ZNF420: variants seen among roughly 807,000 people sequenced by gnomAD.
ZNF420 encodes ATM and p53-associated KZNF protein.
ZNF420 carries 31 observed loss-of-function variants against 44.7 expected under a neutral mutation model. The observed-to-expected ratio is 0.69, with a 90% confidence interval of 0.52 to 0.94. The LOEUF (loss-of-function observed/expected upper bound fraction) is 0.94, where lower values mean the gene tolerates loss of function less well. Among genes scored for constraint, ZNF420 ranks in the 40% least tolerant of loss-of-function variants. The pLI is 0.00. For synonymous variants in ZNF420, 245 were observed against 267.4 expected (o/e 0.92, Z 0.82); for missense variants, 681 against 827.9 (o/e 0.82, Z 2.18).
intron 4 of ZNF420, among the ~76,000 whole-genome samples, chr19:37,121,322 A>G (rs1428607971): frequency 1.1e-4 from 16 of 145,816 alleles, no homozygotes; most frequent in South Asian, 2.2e-4. Context: ...ATAATGCCGC[A>G]TATCTACAAC....
intron 4 of ZNF420, among the ~76,000 whole-genome samples, chr19:37,126,472 A>G (rs1209010239): frequency 6.6e-6 from 1 of 152,198 alleles, no homozygotes; most frequent in African/African-American, 2.4e-5. Flanking sequence ...GTCATTGAAG[A>G]GTTTGGATTT....
intron 1 of ZNF420, among the ~76,000 whole-genome samples, chr19:37,018,448 A>G (rs1340479123): frequency 6.6e-6 from 1 of 152,246 alleles, no homozygotes. Context: ...CAATGCATAT[A>G]TAGCCAGATG....
intron 1 of ZNF420, among the ~76,000 whole-genome samples, chr19:37,068,767 TGAA>T (rs1462890806): frequency 2.0e-5 from 3 of 152,038 alleles, no homozygotes; most frequent in African/African-American, 7.2e-5. Context: ...AGACTGAAAA[TGAA>T]GAACAGAAAA....
At chr19:37,101,563 G>A (rs1308283521) in intron 4 of ZNF420, among the ~76,000 whole-genome samples, 2 of 152,206 alleles carry the variant, frequency 1.3e-5, no homozygotes, top group Non-Finnish European at 2.9e-5. Flanking sequence ...TCTTCCAAAG[G>A]CCTTCCAGAC....
At chr19:37,024,560 C>T (rs751480159) in intron 1 of ZNF420, among the ~76,000 whole-genome samples, 2 of 152,146 alleles carry the variant, frequency 1.3e-5, no homozygotes, top group Admixed American at 6.5e-5. Context: ...AGAGATTCTC[C>T]TGCCTCAGCC....
At chr19:37,021,094 T>C (rs1219183001) in intron 1 of ZNF420, among the ~76,000 whole-genome samples, 1 of 152,168 alleles carries the variant, frequency 6.6e-6, no homozygotes, top group South Asian at 2.1e-4. Flanking sequence ...GCCAAAATCA[T>C]GAGCAAAAGA....
intron 1 of ZNF420, among the ~76,000 whole-genome samples, chr19:37,045,109 G>GT (rs912154552): frequency 2.0e-5 from 3 of 152,042 alleles, no homozygotes; most frequent in Non-Finnish European, 4.4e-5. Flanking sequence ...TGCTTGCTAA[G>GT]TTTTTTCTGT....
Position 37,129,883 on chromosome 19 carries a change from T to G in ZNF420, c.*825T>G. 1 of 1,090,916 alleles carries G rather than the reference T, an allele frequency of 9.2e-7. No individual in the cohort carries two copies. The highest frequency in any genetic ancestry group is 1.6e-5 in the African/African-American group (1 of 61,966). The allele number at this position is 1,090,916 out of a possible 1,614,324, so 67.6% of individuals were successfully genotyped here. On this transcript the variant is annotated 3_prime_UTR_variant, in exon 5 of 5. Coordinates refer to ENST00000337995, the MANE Select transcript of ZNF420 (RefSeq NM_144689.5). ...ATAAATCTAGGAATTTTTTAAAAAC[T>G]TGAATGTATTGCTTTTGAAGTAAAC...
At chr19:37,061,794 A>G (rs1967883531) in intron 1 of ZNF420, among the ~76,000 whole-genome samples, 1 of 152,198 alleles carries the variant, frequency 6.6e-6, no homozygotes, top group Non-Finnish European at 1.5e-5. Flanking sequence ...CACATATCCC[A>G]TATTTTGAGG....
chr19:37,031,940 T>C (rs1967266348), intron 1 of ZNF420, among the ~76,000 whole-genome samples: 1 of 151,606 alleles, frequency 6.6e-6, no homozygotes, highest in African/African-American at 2.4e-5. Context: ...CGTGGTGGCT[T>C]ACACCTATGA....
intron 1 of ZNF420, among the ~76,000 whole-genome samples, chr19:37,020,506 A>C (rs1443132228): frequency 6.6e-6 from 1 of 152,220 alleles, no homozygotes; most frequent in Non-Finnish European, 1.5e-5. Context: ...AATCGGCCAG[A>C]AGCCCCTCTC....
In ZNF420 at chr19:37,050,593, A is replaced by T. The variant is rs1162968768; in HGVS notation, c.-124-29752A>T. On this transcript the variant is annotated intron_variant, in intron 1 of 4. Transcript: ENST00000587029. ...TCCTGAGACTTTGCTGTAGTTGCTT[A>T]TCAGCTTAAGGAGATTTTGGGCTGA... 2.6e-5 allele frequency among the ~76,000 whole-genome samples: 4 copies of T among 152,038 alleles called. No homozygotes were observed. The East Asian group carries it at 7.7e-4, about 29-fold the overall frequency.
intron 1 of ZNF420, among the ~76,000 whole-genome samples, chr19:37,065,780 A>T (rs1435525919): frequency 6.6e-6 from 1 of 152,240 alleles, no homozygotes; most frequent in African/African-American, 2.4e-5. Context: ...TTGATACAAG[A>T]AAATACTCGT....
In ZNF420 at chr19:37,129,908, CAAAAT is replaced by C; in HGVS notation, c.*853_*857del. 2 of 1,291,334 alleles carry C rather than the reference CAAAAT, an allele frequency of 1.5e-6. No individual in the cohort carries two copies. Among genetic ancestry groups the C allele is most frequent in the Non-Finnish European group, 2.0e-6 (2 of 980,002 alleles). 80.0% of individuals were successfully genotyped at this position (1,291,334 alleles called of 1,614,324 possible). On this transcript the variant is annotated 3_prime_UTR_variant, in exon 5 of 5. Coordinates refer to ENST00000337995, the MANE Select transcript of ZNF420 (RefSeq NM_144689.5). The stretch of plus-strand genomic sequence containing the variant: ...TTGAATGTATTGCTTTTGAAGTAAA[CAAAAT>C]AACTGATATTACAGACTATTTTGCA...
chr19:37,093,604 C>T (rs1414982074), intron 4 of ZNF420, among the ~76,000 whole-genome samples: 1 of 152,164 alleles, frequency 6.6e-6, no homozygotes, highest in Admixed American at 6.5e-5. Flanking sequence ...CACCAAGCCC[C>T]ACCTCTGACA....
chr19:37,126,396 C>G (rs750906869), intron 4 of ZNF420, among the ~76,000 whole-genome samples: 1 of 151,900 alleles, frequency 6.6e-6, no homozygotes, highest in Non-Finnish European at 1.5e-5. Flanking sequence ...AAATAAGGAG[C>G]GAAGCTGAGA....
rs1278200490 is a variant in ZNF420 at position 37,127,149 on chromosome 19, G to A, written c.158G>A (p.Ser53Asn). Residue 53 changes from serine to asparagine, a missense_variant, in exon 5 of 5, where the codon AGT becomes AAT. Ser to Asn is a conservative substitution (Grantham distance 46, BLOSUM62 1). This residue lies in a region of ZNF420 where 350 missense variants were observed against 382.5 expected (regional missense o/e 0.92). Transcript: ENST00000337995. ...TCAGACTTGCCTTCAAGGTGTGCAA[G>A]TAAGGACTTATCTCCAGAAAAGAAC... is the stretch of plus-strand genomic sequence containing the variant. The part of the protein sequence containing the change: ...VSLDLPSRCA[S>N]KDLSPEKNTY... 1 of 1,523,268 alleles carries A rather than the reference G, an allele frequency of 6.6e-7. No individual in the cohort carries two copies. 94.4% of individuals were successfully genotyped at this position (1,523,268 alleles called of 1,614,324 possible). A position where few individuals can be genotyped will look rare whatever the true frequency, so the allele number is the denominator to read the frequency against.
chr19:37,084,816 G>A (rs1270551739), intron 2 of ZNF420, among the ~76,000 whole-genome samples: 1 of 151,960 alleles, frequency 6.6e-6, no homozygotes, highest in Non-Finnish European at 1.5e-5. Flanking sequence ...GCATAGAATT[G>A]TATTATCTTT....
chr19:37,034,117 C>T (rs965964362), intron 1 of ZNF420, among the ~76,000 whole-genome samples: 6 of 151,628 alleles, frequency 4.0e-5, no homozygotes, highest in African/African-American at 1.2e-4. Flanking sequence ...ATGACTATAC[C>T]GTTGCAGAAT....
Sources: gnomAD v4.1 joint callset for allele counts (sites outside exome capture counted in the v4.1 genomes callset) on GRCh38, gnomAD v4.1.1 for gene constraint, gnomAD v4.1.1 regional missense constraint, MANE v1.5 for transcripts, NCBI Gene and HGNC (gene_info 2026-07-23, HGNC 2026-07-21) for gene names.